Variants in UNC13C observed in about 807,000 individuals in gnomAD.
UNC13C encodes the protein unc-13 homolog C, also known as protein unc-13 homolog C.
Under a neutral mutation model 245.4 loss-of-function variants are expected in UNC13C, and 174 were observed. That is an observed-to-expected ratio of 0.71 (90% CI 0.63 to 0.80). The LOEUF (loss-of-function observed/expected upper bound fraction) is 0.80. UNC13C is among the 30% of genes least tolerant of loss of function. UNC13C has a pLI of 0.00. For missense variants in UNC13C, 2,829 were observed against 2,602.9 expected, an observed-to-expected ratio of 1.09 and a Z score of -1.89; for synonymous variants, 992 against 895.1, an observed-to-expected ratio of 1.11 and a Z score of -1.93.
At chr15:54,567,017 G>C (rs1566913524) in intron 29 of UNC13C, among the ~76,000 whole-genome samples, 1 of 151,928 alleles carries the variant, frequency 6.6e-6, no homozygotes, top group African/African-American at 2.4e-5. Flanking sequence ...TAAACAGGTA[G>C]AAAAAAACAT....
At chr15:54,189,248 A>G (rs2034098858) in intron 4 of UNC13C, among the ~76,000 whole-genome samples, 1 of 152,192 alleles carries the variant, frequency 6.6e-6, no homozygotes, top group African/African-American at 2.4e-5. Flanking sequence ...TCTGTCTCCC[A>G]GATAAATATT....
chr15:54,570,123 G>A (rs1364872669), intron 30 of UNC13C, among the ~76,000 whole-genome samples: 1 of 152,104 alleles, frequency 6.6e-6, no homozygotes, highest in Non-Finnish European at 1.5e-5. Flanking sequence ...CCAAACGCTG[G>A]TCTCTCGTGT....
chr15:53,876,270 G>A, the UNC13C span, among the ~76,000 whole-genome samples: 2 of 152,126 alleles, frequency 1.3e-5, no homozygotes, highest in Admixed American at 6.6e-5. Context: ...TCAATGGAAT[G>A]TTCAAAGCTC....
the UNC13C span, among the ~76,000 whole-genome samples, chr15:53,942,229 G>A: frequency 4.6e-5 from 7 of 152,248 alleles, no homozygotes; most frequent in East Asian, 1.2e-3. Flanking sequence ...CCCATAAAAA[G>A]GAGTGAGATC....
At chr15:54,233,310 C>G (rs1354580652) in intron 4 of UNC13C, among the ~76,000 whole-genome samples, 1 of 152,112 alleles carries the variant, frequency 6.6e-6, no homozygotes, top group Non-Finnish European at 1.5e-5. Flanking sequence ...CTTTTCTTCT[C>G]TCTTTTCTTC....
At chr15:54,131,255 T>C (rs746553241) in intron 2 of UNC13C, among the ~76,000 whole-genome samples, 23 of 152,336 alleles carry the variant, frequency 1.5e-4, no homozygotes, top group Middle Eastern at 3.4e-3. Context: ...TTTGCTTTAT[T>C]GCCTGGCAGA....
chr15:53,942,404 G>C, the UNC13C span, among the ~76,000 whole-genome samples: 1 of 152,064 alleles, frequency 6.6e-6, no homozygotes, highest in African/African-American at 2.4e-5. Context: ...CCTGTTGGTG[G>C]GGATGAGGGG....
intron 17 of UNC13C, among the ~76,000 whole-genome samples, chr15:54,389,761 A>G (rs192962367): frequency 4.0e-5 from 6 of 149,676 alleles, no homozygotes; most frequent in Admixed American, 1.3e-4. Flanking sequence ...TGGAATCTCG[A>G]TCTGTTGTCC....
chr15:54,408,251 C>G lies in UNC13C; in HGVS notation c.4848-6731C>G, dbSNP rs1004538542. On this transcript the variant is annotated intron_variant, in intron 18 of 32. Coordinates refer to ENST00000260323, the MANE Select transcript of UNC13C (RefSeq NM_001080534.3). ...AAAACATGGGCAAGAACCATAGGCT[C>G]TGTTTCTGATTCTGTCTTTGATTCA... 3.6e-5 allele frequency among the ~76,000 whole-genome samples: 5 copies of G among 137,802 alleles called. No homozygotes were observed. The Admixed American group carries it at 3.7e-4, about 10-fold the overall frequency. 90.4% of individuals were successfully genotyped at this position (137,802 alleles called of 152,430 possible).
chr15:54,372,740 G>A (rs1363914067), intron 17 of UNC13C, among the ~76,000 whole-genome samples: 1 of 152,166 alleles, frequency 6.6e-6, no homozygotes, highest in African/African-American at 2.4e-5. Flanking sequence ...ATTCTGAGGT[G>A]AAGAATTGCA....
chr15:54,484,424 G>A (rs561541609), intron 19 of UNC13C, among the ~76,000 whole-genome samples: 1 of 152,288 alleles, frequency 6.6e-6, no homozygotes, highest in South Asian at 2.1e-4. Flanking sequence ...CTATCCAGAT[G>A]TTATTTTAAA....
the UNC13C span, among the ~76,000 whole-genome samples, chr15:53,964,565 G>T: frequency 1.3e-5 from 2 of 152,206 alleles, no homozygotes; most frequent in South Asian, 4.1e-4. Flanking sequence ...GGCAAAAACT[G>T]CAATTACTTT....
In UNC13C at chr15:54,014,068, T is replaced by C; in HGVS notation, c.1165T>C (p.Ser389Pro). Reference sequence around the variant, plus strand: ...CTTTGAAACCCCTCAACAAAGGGATTCTGTCTTAAAAAAGTCATATAAACT... The same window carrying C: ...CTTTGAAACCCCTCAACAAAGGGATCCTGTCTTAAAAAAGTCATATAAACT... ...VYFETPQQRD[S>P]VLKKSYKLKG... The change falls in exon 2 of 33, where the codon TCT becomes CCT. Residue 389 changes from serine (S) to proline (P), a missense_variant. Physicochemically the swap from Ser to Pro is moderately conservative, Grantham distance 74 (BLOSUM62 -1). Coordinates refer to ENST00000260323, the MANE Select transcript of UNC13C (RefSeq NM_001080534.3). 6.2e-7 allele frequency: 1 copy of C among 1,613,824 alleles called. No individual in the cohort carries two copies. Among genetic ancestry groups the C allele is most frequent in the African/African-American group, 1.3e-5 (1 of 75,028 alleles).
the UNC13C span, among the ~76,000 whole-genome samples, chr15:53,877,568 A>G: frequency 6.8e-6 from 1 of 148,058 alleles, no homozygotes; most frequent in Non-Finnish European, 1.5e-5. Flanking sequence ...GTTTGTGGAT[A>G]CAGAGAGAGA....
chr15:54,282,666 AG>A (rs2037030471), intron 10 of UNC13C, among the ~76,000 whole-genome samples: 1 of 152,134 alleles, frequency 6.6e-6, no homozygotes, highest in African/African-American at 2.4e-5. Flanking sequence ...GACAAGTGCA[AG>A]GGGCCAGTGT....
At chr15:54,538,610 G>T (rs551817317) in intron 26 of UNC13C, among the ~76,000 whole-genome samples, 1 of 152,098 alleles carries the variant, frequency 6.6e-6, no homozygotes, top group Non-Finnish European at 1.5e-5. Context: ...GCCCATCAAT[G>T]GTAGACTGGA....
rs987057213 is a variant in UNC13C at position 54,059,848 on chromosome 15, C to G, written c.2983+43962C>G. On this transcript the variant is annotated intron_variant, in intron 2 of 32. Coordinates refer to ENST00000260323, the MANE Select transcript of UNC13C (RefSeq NM_001080534.3). ...AGTATCTGATCTTTGACAAACCTGA[C>G]AAAAACAAGCAATGGGGAAAGGATT... Among the ~76,000 whole-genome samples the G allele has an allele frequency of 7.2e-5, 11 of 152,158 alleles. No individual in the cohort carries two copies. The East Asian group carries it at 7.7e-4, about 11-fold the overall frequency.
chr15:54,073,636 T>A (rs531355586), intron 2 of UNC13C, among the ~76,000 whole-genome samples: 47 of 152,376 alleles, frequency 3.1e-4, no homozygotes, highest in African/African-American at 1.1e-3. Context: ...TAACCAGTGA[T>A]GATGAGCATT....
intron 30 of UNC13C, among the ~76,000 whole-genome samples, chr15:54,614,784 A>C (rs1246495257): frequency 6.6e-6 from 1 of 151,896 alleles, no homozygotes; most frequent in Non-Finnish European, 1.5e-5. Context: ...ATCTGTAAAC[A>C]TTTCATCCAG....
Sources: gnomAD v4.1 joint callset for allele counts (sites outside exome capture counted in the v4.1 genomes callset) on GRCh38, gnomAD v4.1.1 for gene constraint, MANE v1.5 for transcripts, NCBI Gene and HGNC (gene_info 2026-07-23, HGNC 2026-07-21) for gene names.